Variants in ZNF385D observed in about 807,000 individuals in gnomAD.
ZNF385D encodes the protein zinc finger protein 385D, also known as zinc finger protein 659.
A neutral mutation model predicts 35.8 loss-of-function variants in ZNF385D; 15 were observed. The observed-to-expected ratio is 0.42, with a 90% CI of 0.28 to 0.64. ZNF385D has a LOEUF of 0.64. Among genes scored for constraint, ZNF385D ranks in the 30% least tolerant of loss-of-function variants. The pLI is 0.23. For missense variants in ZNF385D, 474 were observed against 494.6 expected, an observed-to-expected ratio of 0.96 and a Z score of 0.39; for synonymous variants, 212 against 186.8, an observed-to-expected ratio of 1.13 and a Z score of -1.10.
chr3:21,452,790 G>C (rs1702540168), intron 4 of ZNF385D, among the ~76,000 whole-genome samples: 1 of 151,888 alleles, frequency 6.6e-6, no homozygotes, highest in Admixed American at 6.6e-5. Flanking sequence ...ATCTAAATTA[G>C]TCCACATATT....
chr3:21,733,372 G>C (rs891421585), intron 1 of ZNF385D, among the ~76,000 whole-genome samples: 1 of 151,960 alleles, frequency 6.6e-6, no homozygotes, highest in Non-Finnish European at 1.5e-5. Context: ...TAGGTCTTTT[G>C]CCTCTCCACA....
intron 3 of ZNF385D, among the ~76,000 whole-genome samples, chr3:21,932,778 A>G (rs1039883624): frequency 6.6e-6 from 1 of 152,118 alleles, no homozygotes; most frequent in South Asian, 2.1e-4. Context: ...TTGTCCCAGA[A>G]AGTGCTACAG....
At chr3:21,785,482 G>A (rs2071653330) in intron 3 of ZNF385D, among the ~76,000 whole-genome samples, 1 of 152,064 alleles carries the variant, frequency 6.6e-6, no homozygotes, top group East Asian at 1.9e-4. Flanking sequence ...AATAACTACA[G>A]GTACAGTGTT....
rs143551482 is a variant in ZNF385D, at chr3:21,806,715, A to G, written c.326-141687T>C. On this transcript the variant is annotated intron_variant, in intron 3 of 5. Transcript: ENST00000494108. ...TTAGTTTTCAAATAAATTCATAAAA[A>G]GTTGTATCTCCTTCTGTGACTGGTT... Among the ~76,000 whole-genome samples, 20 of 152,338 alleles carry G rather than the reference A, an allele frequency of 1.3e-4. No homozygotes were observed. The East Asian group carries it at 3.9e-3, about 29-fold the overall frequency.
At chr3:21,818,335 CAA>C (rs1218387195) in intron 3 of ZNF385D, among the ~76,000 whole-genome samples, 1 of 152,054 alleles carries the variant, frequency 6.6e-6, no homozygotes, top group African/African-American at 2.4e-5. Context: ...ATAATAATAA[CAA>C]AAGATACTTA....
intron 2 of ZNF385D, among the ~76,000 whole-genome samples, chr3:22,308,911 T>A (rs945551863): frequency 1.3e-5 from 2 of 152,088 alleles, no homozygotes; most frequent in Non-Finnish European, 2.9e-5. Context: ...AGTTAATAAA[T>A]TTGAAAAATT....
chr3:22,104,606 T>G (rs901073169), intron 3 of ZNF385D, among the ~76,000 whole-genome samples: 3 of 152,116 alleles, frequency 2.0e-5, no homozygotes, highest in African/African-American at 7.2e-5. Context: ...ATCATGAATT[T>G]CTATTACATT....
chr3:21,926,809 T>C (rs1258950212), intron 3 of ZNF385D, among the ~76,000 whole-genome samples: 1 of 152,144 alleles, frequency 6.6e-6, no homozygotes, highest in Non-Finnish European at 1.5e-5. Context: ...TGGGATCTAA[T>C]TAAACTAAAG....
chr3:21,726,921 A>G (rs1001571113), intron 1 of ZNF385D, among the ~76,000 whole-genome samples: 15 of 152,198 alleles, frequency 9.9e-5, no homozygotes, highest in African/African-American at 3.6e-4. Flanking sequence ...ACTTCAAACT[A>G]TACTACAAGG....
rs1553705221 is a variant in ZNF385D at position 21,949,546 on chromosome 3, C to CTT, written c.325+219269_325+219270dup. Among the ~76,000 whole-genome samples, 15 of 31,150 alleles carry CTT rather than the reference C, an allele frequency of 4.8e-4. 1 individual carries two copies. Among genetic ancestry groups the CTT allele is most frequent in the African/African-American group, 1.1e-3 (8 of 7,016 alleles). 20.4% of individuals were successfully genotyped at this position (31,150 alleles called of 152,430 possible). On this transcript the variant is annotated intron_variant, in intron 3 of 5. Transcript: ENST00000494108. Reference sequence around the variant, plus strand: ...TGCCCCTATTTTCTTTCCTTCTTTTCTTTCTTTCTTTTTTTTTTTTTTTTA... The same window carrying CTT: ...TGCCCCTATTTTCTTTCCTTCTTTTCTTTTTCTTTCTTTTTTTTTTTTTTTTA...
intron 3 of ZNF385D, among the ~76,000 whole-genome samples, chr3:21,796,010 T>C (rs909651956): frequency 3.3e-5 from 5 of 152,256 alleles, no homozygotes; most frequent in African/African-American, 1.2e-4. Flanking sequence ...GAAATGACTA[T>C]GTGGCAATAC....
intron 2 of ZNF385D, among the ~76,000 whole-genome samples, chr3:22,339,061 T>C (rs1485287744): frequency 4.6e-5 from 7 of 152,150 alleles, no homozygotes; most frequent in Non-Finnish European, 7.4e-5. Context: ...AGAGAGATGA[T>C]AGGCACATTA....
intron 2 of ZNF385D, among the ~76,000 whole-genome samples, chr3:22,308,741 C>T (rs534203856): frequency 6.6e-6 from 1 of 151,982 alleles, no homozygotes; most frequent in Non-Finnish European, 1.5e-5. Context: ...CCAAAAGAGG[C>T]CATATTGCAG....
chr3:22,362,866 T>C (rs977969208), intron 2 of ZNF385D, among the ~76,000 whole-genome samples: 1 of 152,088 alleles, frequency 6.6e-6, no homozygotes, highest in Non-Finnish European at 1.5e-5. Context: ...CAGAATTTAA[T>C]TATTTGTTTC....
At position 22,352,976 on chromosome 3, in the gene ZNF385D, A is replaced by T. The variant is rs563895161; in HGVS notation, c.106+19474T>A. On this transcript the variant is annotated intron_variant, in intron 2 of 5. Transcript: ENST00000494108. ...CTAGAGTTCTACATGGAGGGACATGAGGCCTCATCTTATGTCACGATGTCT... is the reference window on the plus strand; with the variant it reads ...CTAGAGTTCTACATGGAGGGACATGTGGCCTCATCTTATGTCACGATGTCT... Among the ~76,000 whole-genome samples the T allele has an allele frequency of 2.6e-5, 4 of 152,274 alleles. 1 individual carries two copies. The South Asian group carries it at 8.3e-4, about 32-fold the overall frequency.
intron 3 of ZNF385D, among the ~76,000 whole-genome samples, chr3:22,038,710 A>C (rs1698483680): frequency 6.6e-6 from 1 of 151,992 alleles, no homozygotes; most frequent in Non-Finnish European, 1.5e-5. Context: ...ATATGTTAGC[A>C]TCAAGAATTT....
chr3:22,047,534 T>C (rs59004964), intron 3 of ZNF385D, among the ~76,000 whole-genome samples: 2,142 of 152,246 alleles, frequency 0.014, 60 homozygotes, highest in African/African-American at 0.048. Context: ...TCACTTAACA[T>C]AATGTGCTCC....
At chr3:21,654,443 T>G (rs2066013103) in intron 2 of ZNF385D, among the ~76,000 whole-genome samples, 1 of 152,064 alleles carries the variant, frequency 6.6e-6, no homozygotes, top group Non-Finnish European at 1.5e-5. Context: ...AGAAATTACG[T>G]AGCGCTAAAG....
chr3:21,540,992 A>C (rs1428321830), intron 3 of ZNF385D, among the ~76,000 whole-genome samples: 1 of 152,208 alleles, frequency 6.6e-6, no homozygotes, highest in Non-Finnish European at 1.5e-5. Flanking sequence ...TTGCATTTAA[A>C]ATGAGGTTTG....
Sources: gnomAD v4.1 joint callset for allele counts (sites outside exome capture counted in the v4.1 genomes callset) on GRCh38, gnomAD v4.1.1 for gene constraint, MANE v1.5 for transcripts, NCBI Gene and HGNC (gene_info 2026-07-23, HGNC 2026-07-21) for gene names.